The following CHERP variants were observed in gnomAD, a reference collection of about 807,000 sequenced individuals.
The protein encoded by CHERP is ERPROT 213-21.
Under a neutral mutation model 113.8 loss-of-function variants are expected in CHERP, and 8 were observed. The observed-to-expected ratio is 0.07, with a 90% CI of 0.04 to 0.13. The LOEUF (loss-of-function observed/expected upper bound fraction) is 0.13, where lower values mean the gene tolerates loss of function less well. CHERP is among the 10% of genes least tolerant of loss of function. The pLI is 1.00. For synonymous variants in CHERP, 559 were observed against 524.5 expected, an observed-to-expected ratio of 1.07 and a Z score of -0.90; for missense variants, 884 against 1,298.2, an observed-to-expected ratio of 0.68 and a Z score of 4.90.
chr19:16,522,861 A>G (rs1448951588), intron 11 of CHERP, among the ~76,000 whole-genome samples, 191 bp downstream of exon 11: 1 of 152,092 alleles, frequency 6.6e-6, no homozygotes, highest in Non-Finnish European at 1.5e-5. Context: ...CAGGGCAGAC[A>G]TGGTGTCGCT....
In CHERP at chr19:16,519,242, G is replaced by A. The variant is rs1382803889; in HGVS notation, c.2668C>T (p.Leu890=). The A allele has an allele frequency of 6.2e-7, 1 of 1,613,988 alleles. No homozygotes were observed. The highest frequency in any genetic ancestry group is 8.5e-7 in the Non-Finnish European group (1 of 1,180,046). ...CGGTAGTTCTCATAGGGGTCATCCA[G>A]AGCCACGCCCACGCCTTTATACTGG... ...WDQYKGVGVA[L]DDPYENYRRN... The change falls in exon 17 of 17, where the codon CTG becomes TTG. Residue 890 remains leucine, a synonymous_variant. Coordinates refer to ENST00000546361, the MANE Select transcript of CHERP (RefSeq NM_006387.6). This position sits in a 1 kb window ranked among gnomAD's most constrained non-coding sequence, Gnocchi z 6.0.
rs981878470 is a variant in CHERP, at chr19:16,523,422, C to T, written c.1742-132G>A. On this transcript the variant is annotated intron_variant, in intron 10 of 16. Transcript: ENST00000546361. This position sits in a 1 kb window ranked among gnomAD's most constrained non-coding sequence, Gnocchi z 4.0. ...TGGGAGCCTGTCCAGCATCTTCTCT[C>T]ACTGCTTAAGACCAGGCAGCAAGGC... 28 of 1,057,550 alleles carry T rather than the reference C, an allele frequency of 2.6e-5. No homozygotes were observed. The highest frequency in any genetic ancestry group is 1.9e-4 in the Admixed American group (7 of 36,492). 65.5% of individuals were successfully genotyped at this position (1,057,550 alleles called of 1,614,324 possible).
rs1452451970 is a variant in CHERP, at chr19:16,530,282, T to C, written c.876+303A>G. Among the ~76,000 whole-genome samples, 1 of 152,218 alleles carries C rather than the reference T, an allele frequency of 6.6e-6. No individual in the cohort carries two copies. On this transcript the variant is annotated intron_variant, in intron 7 of 16. Transcript: ENST00000546361. The surrounding 1 kb of genome is among the most constrained non-coding windows in gnomAD (Gnocchi z 4.1). ...GGGCTGCCACAGCCTAAGCCACGTCTGGGCTTCCTCATGCTTCCACCACAC... is the reference window on the plus strand; with the variant it reads ...GGGCTGCCACAGCCTAAGCCACGTCCGGGCTTCCTCATGCTTCCACCACAC...
In CHERP at chr19:16,535,766, C is replaced by A. The variant is rs943584258; in HGVS notation, c.200-130G>T. 1.0e-5 allele frequency: 9 copies of A among 857,634 alleles called. No individual in the cohort carries two copies. Among genetic ancestry groups the A allele is most frequent in the African/African-American group, 3.5e-5 (2 of 57,560 alleles). The allele number at this position is 857,634 out of a possible 1,614,324, so 53.1% of individuals were successfully genotyped here. On this transcript the variant is annotated intron_variant, in intron 2 of 16. Transcript: ENST00000546361. This position sits in a 1 kb window ranked among gnomAD's most constrained non-coding sequence, Gnocchi z 4.3. ...ACCATCCACGAGGGCCTGTTCATAG[C>A]CTCATGCCCACGCAAACCAGCTCCT...
Position 16,519,448 on chromosome 19 carries a change from G to C in CHERP, c.2558-96C>G, listed in dbSNP as rs2085585916. 2 of 1,383,662 alleles carry C rather than the reference G, an allele frequency of 1.4e-6. No individual in the cohort carries two copies. Among genetic ancestry groups the C allele is most frequent in the Non-Finnish European group, 2.0e-6 (2 of 1,001,634 alleles). The allele number at this position is 1,383,662 out of a possible 1,614,324, so 85.7% of individuals were successfully genotyped here. On this transcript the variant is annotated intron_variant, in intron 16 of 16. Coordinates refer to ENST00000546361, the MANE Select transcript of CHERP (RefSeq NM_006387.6). This position sits in a 1 kb window ranked among gnomAD's most constrained non-coding sequence, Gnocchi z 6.0. ...GTCCAGACAGGCAGTGTAGACATGG[G>C]AAATGGGTAGAGAGAACCCGCAGGC...
intron 1 of CHERP, 107 bp from the exon 2 acceptor site, chr19:16,542,150 G>A (rs1189493285): frequency 7.6e-7 from 1 of 1,324,388 alleles, no homozygotes; most frequent in African/African-American, 1.5e-5. Flanking sequence ...CCAAGGGGGT[G>A]GGCCCCGAAG....
chr19:16,530,495 G>T lies in CHERP; in HGVS notation c.876+90C>A. 1 of 1,179,730 alleles carries T rather than the reference G, an allele frequency of 8.5e-7. No individual in the cohort carries two copies. The highest frequency in any genetic ancestry group is 1.3e-6 in the Non-Finnish European group (1 of 792,374). 73.1% of individuals were successfully genotyped at this position (1,179,730 alleles called of 1,614,324 possible). The stretch of plus-strand genomic sequence containing the variant: ...GGGGACATGGGCTCTCTGGCTGCTG[G>T]GGTGGCAGCTGCTGTCCCCACACTC... On this transcript the variant is annotated intron_variant, in intron 7 of 16. Transcript: ENST00000546361. This position sits in a 1 kb window ranked among gnomAD's most constrained non-coding sequence, Gnocchi z 4.1.
chr19:16,536,137 G>A (rs954707760), intron 2 of CHERP, among the ~76,000 whole-genome samples: 2 of 152,114 alleles, frequency 1.3e-5, no homozygotes, highest in African/African-American at 2.4e-5. Flanking sequence ...GCACCCCCGA[G>A]CGCACACTGC....
chr19:16,533,650 C>T (rs1343790184), intron 3 of CHERP, among the ~76,000 whole-genome samples: 1 of 151,838 alleles, frequency 6.6e-6, no homozygotes, highest in African/African-American at 2.4e-5. Context: ...TTCCCAACTA[C>T]TTGGGAGGCT....
chr19:16,521,202 C>G (rs777430725), intron 12 of CHERP: 8 of 578,740 alleles, frequency 1.4e-5, no homozygotes, highest in Non-Finnish European at 1.9e-5. Context: ...CATGGGTGGA[C>G]AGGCCTGCAG....
intron 8 of CHERP, 29 bp downstream of exon 8, chr19:16,529,619 G>A: frequency 6.5e-7 from 1 of 1,531,156 alleles, no homozygotes; most frequent in Non-Finnish European, 8.8e-7. Context: ...TGTTTCCTGG[G>A]GGCAGGCTGA....
chr19:16,530,031 G>T lies in CHERP; in HGVS notation c.877-131C>A. ...GCAGGTGGACAGGGAACCGTCACGT[G>T]AAACAGCCAACACAGTCTGGGCAAT... On this transcript the variant is annotated intron_variant, in intron 7 of 16. Coordinates refer to ENST00000546361, the MANE Select transcript of CHERP (RefSeq NM_006387.6). This position sits in a 1 kb window ranked among gnomAD's most constrained non-coding sequence, Gnocchi z 4.1. The T allele has an allele frequency of 8.3e-7, 1 of 1,203,966 alleles. No individual in the cohort carries two copies. Among genetic ancestry groups the T allele is most frequent in the Non-Finnish European group, 1.2e-6 (1 of 869,100 alleles). 74.6% of individuals were successfully genotyped at this position (1,203,966 alleles called of 1,614,324 possible).
At position 16,519,976 on chromosome 19, in the gene CHERP, G is replaced by C; in HGVS notation, c.2462+173C>G. ...GGTTAGAAAGCAGACCCCAGTTACTGCCTCAGGCTTCGCCAAGTGGCTACT... is the reference window on the plus strand; with the variant it reads ...GGTTAGAAAGCAGACCCCAGTTACTCCCTCAGGCTTCGCCAAGTGGCTACT... On this transcript the variant is annotated intron_variant, in intron 15 of 16. Coordinates refer to ENST00000546361, the MANE Select transcript of CHERP (RefSeq NM_006387.6). This position sits in a 1 kb window ranked among gnomAD's most constrained non-coding sequence, Gnocchi z 6.0. 2 of 732,180 alleles carry C rather than the reference G, an allele frequency of 2.7e-6. No individual in the cohort carries two copies. Among genetic ancestry groups the C allele is most frequent in the East Asian group, 5.2e-5 (2 of 38,648 alleles). The allele number at this position is 732,180 out of a possible 1,614,324, so 45.4% of individuals were successfully genotyped here.
chr19:16,531,970 T>C (rs1263333836), intron 5 of CHERP: 1 of 144,348 alleles, frequency 6.9e-6, no homozygotes, highest in Non-Finnish European at 1.5e-5. Flanking sequence ...TATTGTTTTT[T>C]TTTTCTTTTT....
chr19:16,529,035 C>G (rs1220032317), intron 8 of CHERP, among the ~76,000 whole-genome samples: 3 of 152,196 alleles, frequency 2.0e-5, no homozygotes, highest in Non-Finnish European at 4.4e-5. Context: ...AGAAGTGACA[C>G]TAGATTGTAT....
In CHERP at chr19:16,519,879, T is replaced by C. The variant is rs1375706077; in HGVS notation, c.2463-164A>G. 2.8e-6 allele frequency: 2 copies of C among 704,702 alleles called. No individual in the cohort carries two copies. The highest frequency in any genetic ancestry group is 3.5e-5 in the African/African-American group (2 of 56,868). The allele number at this position is 704,702 out of a possible 1,614,324, so 43.7% of individuals were successfully genotyped here. On this transcript the variant is annotated intron_variant, in intron 15 of 16. Coordinates refer to ENST00000546361, the MANE Select transcript of CHERP (RefSeq NM_006387.6). This position sits in a 1 kb window ranked among gnomAD's most constrained non-coding sequence, Gnocchi z 6.0. ...ACCCGTTTATCCTGTCTCAGCTAGA[T>C]AAGGGGGCTCCAGACGCTGGCCCCC... is the stretch of plus-strand genomic sequence containing the variant.
In CHERP at chr19:16,517,950, A is replaced by C. The variant is rs2085560342; in HGVS notation, c.*1209T>G. 6.6e-6 allele frequency: 1 copy of C among 152,292 alleles called. No homozygotes were observed. The highest frequency in any genetic ancestry group is 1.5e-5 in the Non-Finnish European group (1 of 68,088). The allele number at this position is 152,292 out of a possible 1,614,324, so 9.4% of individuals were successfully genotyped here. A position where few individuals can be genotyped will look rare whatever the true frequency, so the allele number is the denominator to read the frequency against. The stretch of plus-strand genomic sequence containing the variant: ...ACAATGAAATCCACAAGAAATTACT[A>C]ACAGCACGTGTTTACGTTTTATCCT... On this transcript the variant is annotated 3_prime_UTR_variant, in exon 17 of 17. Coordinates refer to ENST00000546361, the MANE Select transcript of CHERP (RefSeq NM_006387.6).
Position 16,530,595 on chromosome 19 carries a change from C to A in CHERP, c.866G>T (p.Gly289Val). The change falls in exon 7 of 17, where the codon GGT (glycine) becomes GTT (valine). Residue 289 changes from glycine to valine, a missense_variant. Gly to Val is a moderately radical substitution (Grantham distance 109). Transcript: ENST00000546361. The surrounding 1 kb of genome is among the most constrained non-coding windows in gnomAD (Gnocchi z 4.1). ...QQLQSPALGL[G>V]QYQATLINEY... The stretch of plus-strand genomic sequence containing the variant: ...GGCAGGGACACTCACCTGGTACTGA[C>A]CAAGCCCCAGGGCTGGGCTCTGTAG... 6.2e-7 allele frequency: 1 copy of A among 1,613,952 alleles called. No homozygotes were observed. Among genetic ancestry groups the A allele is most frequent in the Non-Finnish European group, 8.5e-7 (1 of 1,179,868 alleles).
intron 1 of CHERP, 105 bp from the exon 2 acceptor site, chr19:16,542,148 G>A (rs1044254867): frequency 1.5e-6 from 2 of 1,353,190 alleles, no homozygotes; most frequent in African/African-American, 1.5e-5. Context: ...CCCCAAGGGG[G>A]TGGGCCCCGA....
Sources: allele counts gnomAD v4.1 joint callset (sites outside exome capture counted in the v4.1 genomes callset), GRCh38; gene constraint gnomAD v4.1.1; non-coding constraint Gnocchi (gnomAD v3.1); transcripts MANE v1.5; gene names NCBI Gene and HGNC (gene_info 2026-07-23, HGNC 2026-07-21).